Variants in SMIM35 observed in about 807,000 individuals in gnomAD.
The protein encoded by SMIM35 is small integral membrane protein 35.
chr11:118,014,799 C>A, intron 2 of SMIM35, 58 bp from the exon 3 acceptor site: 1 of 398,764 alleles, frequency 2.5e-6, no homozygotes, highest in Non-Finnish European at 4.4e-6. Flanking sequence ...AGTCCGCCAC[C>A]CTTCTAAGAA....
chr11:118,075,699 G>A (rs763863184), intron 1 of SMIM35, among the ~76,000 whole-genome samples: 14 of 152,220 alleles, frequency 9.2e-5, no homozygotes, highest in Non-Finnish European at 1.5e-4. Context: ...AAATACACAC[G>A]TCTAACCCAG....
At chr11:118,036,094 C>T (rs912383564) in intron 1 of SMIM35, among the ~76,000 whole-genome samples, 7 of 152,002 alleles carry the variant, frequency 4.6e-5, no homozygotes, top group African/African-American at 1.7e-4. Flanking sequence ...ACCATGTTGG[C>T]CTGGCTGGTC....
intron 4 of SMIM35, among the ~76,000 whole-genome samples, chr11:118,008,205 G>A (rs2058132393): frequency 6.6e-6 from 1 of 152,214 alleles, no homozygotes. Context: ...GCTACTCTGG[G>A]CAGGCAGAAC....
chr11:118,021,625 A>G (rs80204278), intron 1 of SMIM35, among the ~76,000 whole-genome samples: 5,893 of 152,288 alleles, frequency 0.039, 279 homozygotes, highest in African/African-American at 0.12. Context: ...AAAACTAATC[A>G]AAGGAAAGCT....
intron 1 of SMIM35, among the ~76,000 whole-genome samples, chr11:118,036,093 G>A (rs549273030): frequency 6.6e-6 from 1 of 151,984 alleles, no homozygotes; most frequent in East Asian, 1.9e-4. Context: ...CACCATGTTG[G>A]CCTGGCTGGT....
At chr11:118,049,046 C>T (rs1197591776) in intron 1 of SMIM35, among the ~76,000 whole-genome samples, 1 of 148,784 alleles carries the variant, frequency 6.7e-6, no homozygotes, top group African/African-American at 2.5e-5. Context: ...TAAGTAAGAG[C>T]GCTATTTCAC....
chr11:118,050,359 C>T (rs1296295678), intron 1 of SMIM35, among the ~76,000 whole-genome samples: 2 of 152,216 alleles, frequency 1.3e-5, no homozygotes, highest in Non-Finnish European at 2.9e-5. Context: ...GCTGGGGGAA[C>T]CTAGGCCAAG....
At chr11:118,057,055 A>G (rs1314343253) in intron 1 of SMIM35, among the ~76,000 whole-genome samples, 5 of 152,218 alleles carry the variant, frequency 3.3e-5, no homozygotes, top group African/African-American at 1.2e-4. Context: ...AGGTCTGGCC[A>G]CAGGGCGAGA....
intron 1 of SMIM35, among the ~76,000 whole-genome samples, chr11:118,078,913 G>A (rs1442481788): frequency 1.3e-5 from 2 of 152,188 alleles, no homozygotes; most frequent in East Asian, 3.8e-4. Context: ...ATACATGTGA[G>A]TAGGTTCTGG....
chr11:118,085,743 C>G (rs973432045), intron 1 of SMIM35, among the ~76,000 whole-genome samples: 1 of 152,158 alleles, frequency 6.6e-6, no homozygotes, highest in Non-Finnish European at 1.5e-5. Flanking sequence ...AACTGTGTGG[C>G]GGGACCCCTT....
chr11:118,075,390 A>G (rs1944650093), intron 1 of SMIM35, among the ~76,000 whole-genome samples: 1 of 152,242 alleles, frequency 6.6e-6, no homozygotes, highest in African/African-American at 2.4e-5. Flanking sequence ...GATTTGGCCA[A>G]TAATCCATTA....
At chr11:118,085,247 A>G (rs571333482) in intron 1 of SMIM35, among the ~76,000 whole-genome samples, 10 of 139,582 alleles carry the variant, frequency 7.2e-5, no homozygotes, top group South Asian at 2.5e-4. Flanking sequence ...TTTTTGAGAC[A>G]GAGTCTAACA....
intron 4 of SMIM35, among the ~76,000 whole-genome samples, chr11:118,010,497 T>C (rs1349116230): frequency 6.6e-6 from 1 of 152,182 alleles, no homozygotes; most frequent in African/African-American, 2.4e-5. Context: ...TCCAGCACGC[T>C]CCAGTTTTAG....
At chr11:118,048,590 G>GAAGGAAGGAAGC (rs1555074379) in intron 1 of SMIM35, among the ~76,000 whole-genome samples, 85 of 103,640 alleles carry the variant, frequency 8.2e-4, no homozygotes, top group African/African-American at 2.2e-3. Flanking sequence ...AGGAAGGAAG[G>GAAGGAAGGAAGC]AAGGAAGCAA....
Position 118,015,799 on chromosome 11 carries a change from G to T in SMIM35, c.18C>A (p.Ser6=), listed in dbSNP as rs1311360010. ...CAAGGATCAGGCCCAAGGTGCTGAT[G>T]GAGTCCTCACCTGCAGAGACATGCA... MTGED[S]ISTLGLILGV... Residue 6 remains serine (S), a synonymous_variant, in exon 2 of 5, where the codon TCC becomes TCA. Transcript: ENST00000689828. 1.0e-5 allele frequency: 4 copies of T among 399,146 alleles called. No homozygotes were observed. In the Admixed American group the frequency reaches 1.8e-4, roughly 18 times the overall value. 24.7% of individuals were successfully genotyped at this position (399,146 alleles called of 1,614,324 possible).
chr11:118,079,318 T>C (rs1944948151), intron 1 of SMIM35, among the ~76,000 whole-genome samples: 1 of 152,116 alleles, frequency 6.6e-6, no homozygotes, highest in East Asian at 1.9e-4. Context: ...TTCCATTCCC[T>C]ACCTCCTTCC....
In SMIM35 at chr11:118,040,028, A is replaced by G. The variant is rs762008073; in HGVS notation, c.8-24219T>C. ...CCACTGTACTCTAGCCTGGGTAACA[A>G]AGCAAGACCTTATCTCAAAAAAAAA... On this transcript the variant is annotated intron_variant, in intron 1 of 4. Transcript: ENST00000689828. Among the ~76,000 whole-genome samples, 111 of 144,078 alleles carry G rather than the reference A, an allele frequency of 7.7e-4. 1 individual carries two copies. The highest frequency in any genetic ancestry group is 1.9e-3 in the Admixed American group (27 of 14,028). 94.5% of individuals were successfully genotyped at this position (144,078 alleles called of 152,430 possible). A position where few individuals can be genotyped will look rare whatever the true frequency, so the allele number is the denominator to read the frequency against.
intron 1 of SMIM35, among the ~76,000 whole-genome samples, chr11:118,018,149 G>A (rs2058199185): frequency 1.3e-5 from 2 of 152,144 alleles, no homozygotes; most frequent in Non-Finnish European, 2.9e-5. Context: ...AAGCATCCAG[G>A]AGCCCTGGGT....
At position 118,014,735 on chromosome 11, in the gene SMIM35, T is replaced by G. The variant is rs947874547; in HGVS notation, c.131A>C (p.Asn44Thr). The change falls in exon 3 of 5, where the codon AAT becomes ACT. Residue 44 changes from asparagine to threonine, a missense_variant. Asn to Thr is a moderately conservative substitution (Grantham distance 65). Transcript: ENST00000689828. ...YQRGYCWEGP[N>T]FVFNLYQIRN... ...GATTTGATATAAGTTGAAGACAAAA[T>G]TAGGCCCTAGGAAGACAATCCAAAA... The G allele has an allele frequency of 2.5e-6, 1 of 398,732 alleles. No individual in the cohort carries two copies. Among genetic ancestry groups the G allele is most frequent in the Non-Finnish European group, 4.4e-6 (1 of 226,060 alleles). 24.7% of individuals were successfully genotyped at this position (398,732 alleles called of 1,614,324 possible). A position where few individuals can be genotyped will look rare whatever the true frequency, so the allele number is the denominator to read the frequency against.
Sources: allele counts gnomAD v4.1 joint callset (sites outside exome capture counted in the v4.1 genomes callset), GRCh38; gene constraint gnomAD v4.1.1; transcripts MANE v1.5; gene names NCBI Gene and HGNC (gene_info 2026-07-23, HGNC 2026-07-21).